DIAPH3: variants seen among roughly 807,000 people sequenced by gnomAD.
DIAPH3 encodes diaphanous related formin 3.
A neutral mutation model predicts 144.3 loss-of-function variants in DIAPH3; 117 were observed. The observed-to-expected ratio is 0.81, with a 90% confidence interval of 0.70 to 0.95. DIAPH3 has a LOEUF of 0.95. Ranked by LOEUF, DIAPH3 falls within the 40% of genes least tolerant of loss-of-function variation. The pLI is 0.00. For missense variants in DIAPH3, 1,421 were observed against 1,412.7 expected (o/e 1.01, Z -0.09); for synonymous variants, 519 against 488.9 (o/e 1.06, Z -0.81).
intron 9 of DIAPH3, among the ~76,000 whole-genome samples, chr13:59,997,972 T>C (rs1322377897): frequency 6.6e-6 from 1 of 152,154 alleles, no homozygotes; most frequent in Non-Finnish European, 1.5e-5. Flanking sequence ...GCCTGGAAGA[T>C]ACAGTTTAGA....
chr13:59,819,244 T>C (rs1226562216), intron 24 of DIAPH3, among the ~76,000 whole-genome samples: 1 of 151,934 alleles, frequency 6.6e-6, no homozygotes, highest in Admixed American at 6.6e-5. Flanking sequence ...ATTTTATTCA[T>C]TGTATTCACC....
At chr13:59,969,805 A>G in intron 17 of DIAPH3, 139 bp downstream of exon 17, 1 of 481,476 alleles carries the variant, frequency 2.1e-6, no homozygotes, top group Non-Finnish European at 3.7e-6. Context: ...ATTTCATTAT[A>G]CCATTTATTT....
At chr13:59,872,033 G>C (rs536212882) in intron 21 of DIAPH3, among the ~76,000 whole-genome samples, 42 of 152,126 alleles carry the variant, frequency 2.8e-4, no homozygotes, top group African/African-American at 9.9e-4. Context: ...TCAGATATTG[G>C]TGGGTTTGAT....
rs1951780693 is a variant in DIAPH3, at chr13:60,151,524, G to C, written c.180+12063C>G. 5.3e-5 allele frequency among the ~76,000 whole-genome samples: 8 copies of C among 152,266 alleles called. No individual in the cohort carries two copies. The South Asian group carries it at 1.7e-3, about 32-fold the overall frequency. ...TAGGATCTTTTATAAAAAGAAATGA[G>C]TAATTATTAATAACATTTAAACAAA... On this transcript the variant is annotated intron_variant, in intron 1 of 27. Coordinates refer to ENST00000400324, the MANE Select transcript of DIAPH3 (RefSeq NM_001042517.2).
At chr13:60,149,937 G>A (rs527364673) in intron 1 of DIAPH3, among the ~76,000 whole-genome samples, 2 of 152,118 alleles carry the variant, frequency 1.3e-5, no homozygotes, top group South Asian at 4.1e-4. Flanking sequence ...CTTAATTGGT[G>A]GTCTAGGATG....
chr13:59,808,164 C>G (rs1423718754), intron 25 of DIAPH3, among the ~76,000 whole-genome samples: 5 of 151,228 alleles, frequency 3.3e-5, no homozygotes, highest in Non-Finnish European at 7.4e-5. Context: ...AATATTAAAA[C>G]ATCATAGAAT....
At chr13:59,971,488 G>GT (rs2050374824) in intron 15 of DIAPH3, among the ~76,000 whole-genome samples, 1 of 152,280 alleles carries the variant, frequency 6.6e-6, no homozygotes, top group South Asian at 2.1e-4. Flanking sequence ...CTGGAGAACA[G>GT]TTGAAGCCAG....
chr13:60,133,079 A>C (rs1340799050), intron 1 of DIAPH3, 90 bp from the exon 2 acceptor site: 5 of 842,328 alleles, frequency 5.9e-6, no homozygotes, highest in Admixed American at 2.4e-5. Flanking sequence ...CTACAATCCT[A>C]ACTTGAATAT....
chr13:60,104,449 G>A (rs562260859), intron 3 of DIAPH3, among the ~76,000 whole-genome samples: 3 of 152,084 alleles, frequency 2.0e-5, no homozygotes, highest in South Asian at 4.2e-4. Context: ...CCCAGAGACT[G>A]ATAATGAACT....
At chr13:60,122,307 A>G (rs11840069) in intron 2 of DIAPH3, among the ~76,000 whole-genome samples, 6,844 of 152,162 alleles carry the variant, frequency 0.045, 197 homozygotes, top group East Asian at 0.1. Flanking sequence ...TTTCAACTCA[A>G]TCTTCAGCTC....
intron 27 of DIAPH3, among the ~76,000 whole-genome samples, chr13:59,699,525 G>A (rs907436409): frequency 6.6e-6 from 1 of 152,134 alleles, no homozygotes; most frequent in African/African-American, 2.4e-5. Context: ...ATTTCCCTGT[G>A]TCCCACCCTT....
chr13:59,879,079 T>C (rs918889872), intron 21 of DIAPH3, 150 bp downstream of exon 21: 10 of 1,063,382 alleles, frequency 9.4e-6, no homozygotes, highest in Non-Finnish European at 1.3e-5. Flanking sequence ...GTAAATTAGC[T>C]CAGTTCACTC....
At chr13:59,947,143 T>C (rs2048841654) in intron 17 of DIAPH3, among the ~76,000 whole-genome samples, 1 of 152,194 alleles carries the variant, frequency 6.6e-6, no homozygotes, top group Admixed American at 6.5e-5. Context: ...CATCCCACTT[T>C]CGAGCATGAC....
At position 60,163,686 on chromosome 13, in the gene DIAPH3, G is replaced by A; in HGVS notation, c.81C>T (p.Leu27=). 1.2e-6 allele frequency: 2 copies of A among 1,608,074 alleles called. No individual in the cohort carries two copies. ...GCATCTTGCTTTCCCGGCAGCCGCG[G>A]AGAGAGGCTGAGGAAGGGTAGGGAG... ...AGTPYPSSAS[L]RGCRESKMPR... Residue 27 remains leucine (L), a synonymous_variant, in exon 1 of 28, where the codon CTC becomes CTT. Transcript: ENST00000400324.
chr13:59,850,354 A>T (rs1239886348), intron 22 of DIAPH3, among the ~76,000 whole-genome samples: 3 of 151,010 alleles, frequency 2.0e-5, no homozygotes, highest in Non-Finnish European at 3.0e-5. Flanking sequence ...TTCCAACACT[A>T]TGTTGAATAG....
intron 17 of DIAPH3, among the ~76,000 whole-genome samples, chr13:59,928,539 T>C (rs2047864109): frequency 1.3e-5 from 2 of 152,210 alleles, no homozygotes; most frequent in Admixed American, 1.3e-4. Flanking sequence ...TTTAATAAGC[T>C]AAGACTTTTT....
chr13:59,937,365 T>C (rs2048318510), intron 17 of DIAPH3, among the ~76,000 whole-genome samples: 1 of 152,186 alleles, frequency 6.6e-6, no homozygotes, highest in Non-Finnish European at 1.5e-5. Flanking sequence ...TCAGTGTACA[T>C]TCCTAATTTA....
chr13:59,796,671 CT>C lies in DIAPH3; in HGVS notation c.3163+14116del, dbSNP rs534838344. On this transcript the variant is annotated intron_variant, in intron 25 of 27. Transcript: ENST00000400324. ...TAACTTTTTCTAAACATATCTTTTA[CT>C]GATCCATATTGTGGGCAAACATTCT... is the stretch of plus-strand genomic sequence containing the variant. 1.4e-4 allele frequency among the ~76,000 whole-genome samples: 21 copies of C among 152,242 alleles called. No individual in the cohort carries two copies. In the South Asian group the frequency reaches 4.1e-3, roughly 30 times the overall value.
At chr13:60,106,656 G>C (rs901044875) in intron 3 of DIAPH3, among the ~76,000 whole-genome samples, 1 of 151,898 alleles carries the variant, frequency 6.6e-6, no homozygotes, top group African/African-American at 2.4e-5. Context: ...TGGCTATATG[G>C]GAAATTCTAC....
Sources: gnomAD v4.1 joint callset for allele counts (sites outside exome capture counted in the v4.1 genomes callset) on GRCh38, gnomAD v4.1.1 for gene constraint, MANE v1.5 for transcripts, NCBI Gene and HGNC (gene_info 2026-07-23, HGNC 2026-07-21) for gene names.